CHM: variants seen among roughly 807,000 people sequenced by gnomAD.
CHM encodes rab proteins geranylgeranyltransferase component A 1.
Under a neutral mutation model 49.0 loss-of-function variants are expected in CHM, and 10 were observed. That is an observed-to-expected ratio of 0.20 (90% CI 0.13 to 0.35). CHM has a LOEUF of 0.35. Ranked by LOEUF, CHM falls within the 10% of genes least tolerant of loss-of-function variation. CHM has a pLI of 1.00. For missense variants in CHM, 455 were observed against 478.4 expected (o/e 0.95, Z 0.46); for synonymous variants, 184 against 167.5 (o/e 1.10, Z -0.76).
chrX:85,923,507 T>C (rs1433244268), intron 8 of CHM, among the ~76,000 whole-genome samples: 2 of 112,070 alleles, frequency 1.8e-5, no homozygotes, highest in South Asian at 7.5e-4. Flanking sequence ...ACAGAGGAAC[T>C]TGTGACAGTT....
intron 2 of CHM, among the ~76,000 whole-genome samples, chrX:85,994,840 G>C (rs1479714753): frequency 4.5e-5 from 5 of 111,834 alleles, no homozygotes; most frequent in African/African-American, 1.6e-4. Context: ...ATTTTTGAAA[G>C]AGGAAGGATA....
At chrX:85,973,809 G>C (rs141411936) in intron 4 of CHM, among the ~76,000 whole-genome samples, 2 of 112,222 alleles carry the variant, frequency 1.8e-5, no homozygotes, top group South Asian at 7.3e-4. Flanking sequence ...TATTAAGTGA[G>C]CCTAAGGATA....
chrX:85,931,615 C>A (rs5967650), intron 8 of CHM, among the ~76,000 whole-genome samples: 25,102 of 110,465 alleles, frequency 0.23, 2,147 homozygotes, highest in Non-Finnish European at 0.25. Flanking sequence ...TTTCATGCTT[C>A]GTTTTATAAT....
At chrX:86,027,700 A>G in intron 1 of CHM, 143 bp from the exon 2 acceptor site, 1 of 485,785 alleles carries the variant, frequency 2.1e-6, no homozygotes, top group South Asian at 3.2e-5. Context: ...TATAAAGTTT[A>G]TATTAATTAT....
In CHM at chrX:86,007,508, C is replaced by T. The variant is rs750019834; in HGVS notation, c.116+19983G>A. On this transcript the variant is annotated intron_variant, in intron 2 of 14. Coordinates refer to ENST00000357749, the MANE Select transcript of CHM (RefSeq NM_000390.4). ...ATGGGAGAAAATTTTTGCAATCTACCCATCTGACAAAGGGCTAATATCCAG... is the reference window on the plus strand; with the variant it reads ...ATGGGAGAAAATTTTTGCAATCTACTCATCTGACAAAGGGCTAATATCCAG... Among the ~76,000 whole-genome samples the T allele has an allele frequency of 1.2e-3, 136 of 111,269 alleles. No individual in the cohort carries two copies. The Middle Eastern group carries it at 0.037, about 30-fold the overall frequency.
intron 9 of CHM, among the ~76,000 whole-genome samples, chrX:85,908,346 G>A (rs1485897517): frequency 1.8e-5 from 2 of 111,755 alleles, no homozygotes; most frequent in African/African-American, 3.2e-5. Context: ...GATTTTGAAT[G>A]GCAAAGCTGT....
intron 1 of CHM, among the ~76,000 whole-genome samples, chrX:86,029,328 C>T (rs1309101944): frequency 9.0e-6 from 1 of 111,503 alleles, no homozygotes; most frequent in Admixed American, 9.5e-5. Context: ...AATAATGTTC[C>T]TTTTTAGTGA....
At chrX:85,973,208 A>G (rs746445744) in intron 4 of CHM, among the ~76,000 whole-genome samples, 5 of 101,246 alleles carry the variant, frequency 4.9e-5, no homozygotes, top group Non-Finnish European at 9.9e-5. Context: ...CTGAGGCAGG[A>G]GAATCACCTG....
At position 85,935,269 on chromosome X, in the gene CHM, G is replaced by A. The variant is rs184231699; in HGVS notation, c.1166+20884C>T. ...GAACTCACTTACGACCTCAAGGATC[G>A]CACCAAGCCATTCATAAGGAATCCA... is the stretch of plus-strand genomic sequence containing the variant. On this transcript the variant is annotated intron_variant, in intron 8 of 14. Coordinates refer to ENST00000357749, the MANE Select transcript of CHM (RefSeq NM_000390.4). 5.7e-4 allele frequency among the ~76,000 whole-genome samples: 64 copies of A among 111,420 alleles called. 1 individual carries two copies. In the Middle Eastern group the frequency reaches 0.014, roughly 24 times the overall value.
chrX:85,894,001 G>GAA (rs904363535), intron 12 of CHM, among the ~76,000 whole-genome samples, 187 bp downstream of exon 12: 1 of 111,961 alleles, frequency 8.9e-6, no homozygotes, highest in Non-Finnish European at 1.9e-5. Context: ...TTTAGCCACT[G>GAA]AAATGTTTAT....
At chrX:85,984,000 G>A (rs938047270) in intron 2 of CHM, among the ~76,000 whole-genome samples, 4 of 110,061 alleles carry the variant, frequency 3.6e-5, no homozygotes, top group Admixed American at 1.9e-4. Flanking sequence ...TGAGGAGGTC[G>A]AGACTAGACT....
intron 1 of CHM, among the ~76,000 whole-genome samples, chrX:86,036,035 C>T (rs1056904119): frequency 2.7e-5 from 3 of 110,065 alleles, no homozygotes; most frequent in Admixed American, 9.7e-5. Context: ...CCTCATGATC[C>T]GCCCGCCTCG....
chrX:86,032,343 T>C (rs1400517286), intron 1 of CHM, among the ~76,000 whole-genome samples: 1 of 111,637 alleles, frequency 9.0e-6, no homozygotes, highest in African/African-American at 3.3e-5. Context: ...ATAATACATC[T>C]CATATGGGTG....
At chrX:85,883,865 T>TA (rs1409191803) in intron 12 of CHM, among the ~76,000 whole-genome samples, 1 of 110,529 alleles carries the variant, frequency 9.0e-6, no homozygotes, top group African/African-American at 3.3e-5. Flanking sequence ...TAACATCCTG[T>TA]AACATCAAAT....
chrX:85,955,920 T>C (rs919642829), intron 8 of CHM, among the ~76,000 whole-genome samples: 9 of 112,015 alleles, frequency 8.0e-5, no homozygotes, highest in African/African-American at 2.9e-4. Context: ...CATCATGCTA[T>C]TGAGTGGAAA....
intron 12 of CHM, among the ~76,000 whole-genome samples, chrX:85,890,924 G>A (rs1346261930): frequency 1.8e-5 from 2 of 111,652 alleles, no homozygotes; most frequent in Admixed American, 9.5e-5. Flanking sequence ...AATGCTGATA[G>A]TGATATGAAC....
chrX:85,990,015 T>C (rs768462910), intron 2 of CHM, among the ~76,000 whole-genome samples: 7 of 111,922 alleles, frequency 6.3e-5, no homozygotes, highest in Non-Finnish European at 1.3e-4. Flanking sequence ...TATAAATAAT[T>C]CTACCATAAA....
Position 85,899,166 on chromosome X carries a change from T to C in CHM, c.1413+1480A>G, listed in dbSNP as rs74845639. On this transcript the variant is annotated intron_variant, in intron 11 of 14. Transcript: ENST00000357749. ...TGAGTTTATCAATCACTATAAAATA[T>C]GGTCAGAAGGAGAACTGGTACCCTG... is the stretch of plus-strand genomic sequence containing the variant. Among the ~76,000 whole-genome samples the C allele has an allele frequency of 5.2e-3, 582 of 111,621 alleles. 2 individuals carry two copies. The East Asian group carries it at 0.054, about 10-fold the overall frequency.
intron 14 of CHM, among the ~76,000 whole-genome samples, chrX:85,871,185 G>A (rs1226363413): frequency 2.0e-5 from 2 of 102,112 alleles, no homozygotes; most frequent in Non-Finnish European, 4.0e-5. Flanking sequence ...GGTGGCAAGC[G>A]CCTCCCAGGT....
Sources: allele counts gnomAD v4.1 joint callset (sites outside exome capture counted in the v4.1 genomes callset), GRCh38; gene constraint gnomAD v4.1.1; transcripts MANE v1.5; gene names NCBI Gene and HGNC (gene_info 2026-07-23, HGNC 2026-07-21).